SHISA9: variants seen among roughly 807,000 people sequenced by gnomAD.
SHISA9 encodes the protein protein shisa-9.
A neutral mutation model predicts 38.0 loss-of-function variants in SHISA9; 13 were observed. The observed-to-expected ratio is 0.34, with a 90% CI of 0.22 to 0.54. The LOEUF (loss-of-function observed/expected upper bound fraction) is 0.54. Among genes scored for constraint, SHISA9 ranks in the 20% least tolerant of loss-of-function variants. SHISA9 has a pLI of 0.91. For synonymous variants in SHISA9, 275 were observed against 242.0 expected, an observed-to-expected ratio of 1.14 and a Z score of -1.27; for missense variants, 538 against 575.8, an observed-to-expected ratio of 0.93 and a Z score of 0.67.
At chr16:12,962,336 T>C (rs1253422622) in intron 2 of SHISA9, among the ~76,000 whole-genome samples, 1 of 152,226 alleles carries the variant, frequency 6.6e-6, no homozygotes, top group Non-Finnish European at 1.5e-5. Flanking sequence ...TTTTCTGAGC[T>C]TCCTCACCAT....
the SHISA9 span, chr16:13,332,726 G>C: frequency 6.6e-6 from 1 of 152,084 alleles, no homozygotes; most frequent in Admixed American, 6.6e-5. Context: ...AATTCAACAG[G>C]GTGTGACCCC....
chr16:13,214,992 G>T (rs1337423837), intron 4 of SHISA9, among the ~76,000 whole-genome samples: 2 of 152,118 alleles, frequency 1.3e-5, no homozygotes, highest in African/African-American at 4.8e-5. Context: ...TGGCTTCTAA[G>T]TGGAGACTGG....
At chr16:13,116,335 G>A (rs951613053) in intron 2 of SHISA9, among the ~76,000 whole-genome samples, 1 of 152,202 alleles carries the variant, frequency 6.6e-6, no homozygotes, top group African/African-American at 2.4e-5. Flanking sequence ...TTTCCAAAGT[G>A]TTCCTCGGAA....
At chr16:13,435,639 T>C in the SHISA9 span, among the ~76,000 whole-genome samples, 229 of 152,328 alleles carry the variant, frequency 1.5e-3, 7 homozygotes, top group East Asian at 0.038. Flanking sequence ...GAGTACATCC[T>C]ACAGCCTCTG....
At chr16:13,369,047 T>C in the SHISA9 span, among the ~76,000 whole-genome samples, 3 of 152,174 alleles carry the variant, frequency 2.0e-5, no homozygotes, top group Admixed American at 6.5e-5. Context: ...ATTTATATAA[T>C]GGAACATTAG....
At chr16:13,403,577 G>A in the SHISA9 span, among the ~76,000 whole-genome samples, 139 of 152,322 alleles carry the variant, frequency 9.1e-4, no homozygotes, top group African/African-American at 3.2e-3. Context: ...CACAGTGCTG[G>A]AAATGGAGAT....
the SHISA9 span, among the ~76,000 whole-genome samples, chr16:13,399,274 A>G: frequency 6.6e-6 from 1 of 152,070 alleles, no homozygotes; most frequent in Non-Finnish European, 1.5e-5. Flanking sequence ...AAAAGAAGCT[A>G]GAAAGACAAA....
intron 2 of SHISA9, among the ~76,000 whole-genome samples, chr16:13,077,390 C>G (rs1000105127): frequency 6.6e-6 from 1 of 152,084 alleles, no homozygotes; most frequent in East Asian, 1.9e-4. Context: ...AAACCCAGAC[C>G]AAGGAAGATT....
intron 2 of SHISA9, among the ~76,000 whole-genome samples, chr16:13,105,852 C>G (rs1008271218): frequency 6.6e-6 from 1 of 152,152 alleles, no homozygotes; most frequent in Non-Finnish European, 1.5e-5. Flanking sequence ...GAACATTGAG[C>G]ATGTTGAAGT....
chr16:13,364,299 C>G, the SHISA9 span, among the ~76,000 whole-genome samples: 1 of 152,188 alleles, frequency 6.6e-6, no homozygotes, highest in Non-Finnish European at 1.5e-5. Flanking sequence ...CTGATATTCA[C>G]AGGCTCCAAG....
rs2141874981 is a variant in SHISA9, at chr16:13,028,944, G to C, written c.691+112129G>C. ...GGGACGAGTCCTTCCCTGAAGGAAA[G>C]TAAAGGTGCTATTACTAGAAGACTG... On this transcript the variant is annotated intron_variant, in intron 2 of 4. Coordinates refer to ENST00000558583, the MANE Select transcript of SHISA9 (RefSeq NM_001145204.3). Among the ~76,000 whole-genome samples, 2 of 152,332 alleles carry C rather than the reference G, an allele frequency of 1.3e-5. 1 individual carries two copies. The highest frequency in any genetic ancestry group is 4.1e-4 in the South Asian group (2 of 4,828).
At chr16:13,383,794 C>T in the SHISA9 span, among the ~76,000 whole-genome samples, 6 of 152,166 alleles carry the variant, frequency 3.9e-5, no homozygotes, top group South Asian at 2.1e-4. Context: ...GGACCATAGG[C>T]GCGAGCCACT....
At chr16:13,111,787 G>C (rs1230923640) in intron 2 of SHISA9, among the ~76,000 whole-genome samples, 1 of 152,178 alleles carries the variant, frequency 6.6e-6, no homozygotes, top group Non-Finnish European at 1.5e-5. Context: ...TTTGGATTCT[G>C]TAAATGTGTG....
intron 4 of SHISA9, among the ~76,000 whole-genome samples, chr16:13,226,690 A>C (rs1350432844): frequency 6.6e-6 from 1 of 152,136 alleles, no homozygotes; most frequent in Non-Finnish European, 1.5e-5. Flanking sequence ...GGCTCCTCTC[A>C]GTTGGATTTT....
At chr16:13,410,109 G>T in the SHISA9 span, among the ~76,000 whole-genome samples, 1 of 152,170 alleles carries the variant, frequency 6.6e-6, no homozygotes, top group South Asian at 2.1e-4. Flanking sequence ...TGTTTTCATT[G>T]CTGCAAGCAA....
chr16:13,224,122 C>T (rs777818510), intron 4 of SHISA9, among the ~76,000 whole-genome samples: 12 of 152,182 alleles, frequency 7.9e-5, no homozygotes, highest in Non-Finnish European at 1.6e-4. Context: ...AAGGCAGTAG[C>T]ATAGAACACA....
intron 2 of SHISA9, among the ~76,000 whole-genome samples, chr16:13,096,772 G>T (rs9924882): frequency 2.0e-5 from 3 of 151,770 alleles, no homozygotes; most frequent in Admixed American, 6.6e-5. Context: ...TTGATGTTTC[G>T]TGAACATCTA....
chr16:13,525,464 A>C, the SHISA9 span, among the ~76,000 whole-genome samples: 1 of 152,212 alleles, frequency 6.6e-6, no homozygotes, highest in African/African-American at 2.4e-5. Flanking sequence ...TCAATTTCCT[A>C]ATCTATGAAA....
chr16:13,450,603 G>C, the SHISA9 span, among the ~76,000 whole-genome samples: 26 of 152,124 alleles, frequency 1.7e-4, no homozygotes, highest in African/African-American at 6.3e-4. Context: ...AATTATAAAC[G>C]ATACACACTG....
Sources: gnomAD v4.1 joint callset for allele counts (sites outside exome capture counted in the v4.1 genomes callset) on GRCh38, gnomAD v4.1.1 for gene constraint, MANE v1.5 for transcripts, NCBI Gene and HGNC (gene_info 2026-07-23, HGNC 2026-07-21) for gene names.